CNTNAP2: variants seen among roughly 807,000 people sequenced by gnomAD.
CNTNAP2 encodes contactin associated protein 2.
A neutral mutation model predicts 155.2 loss-of-function variants in CNTNAP2; 98 were observed. That is an observed-to-expected ratio of 0.63 (90% CI 0.54 to 0.75). The LOEUF is 0.75. Among genes scored for constraint, CNTNAP2 ranks in the 30% least tolerant of loss-of-function variants. CNTNAP2 has a pLI of 0.00. For missense variants in CNTNAP2, 1,727 were observed against 1,688.1 expected, an observed-to-expected ratio of 1.02 and a Z score of -0.40; for synonymous variants, 651 against 631.2, an observed-to-expected ratio of 1.03 and a Z score of -0.47.
intron 10 of CNTNAP2, among the ~76,000 whole-genome samples, chr7:147,412,074 C>T (rs1797112730): frequency 6.6e-6 from 1 of 152,232 alleles, no homozygotes; most frequent in African/African-American, 2.4e-5. Flanking sequence ...ATCCAGCCTC[C>T]CTTCAAGGAT....
chr7:148,347,123 G>C (rs944543754), intron 21 of CNTNAP2, among the ~76,000 whole-genome samples: 2 of 152,106 alleles, frequency 1.3e-5, no homozygotes, highest in African/African-American at 4.8e-5. Context: ...CAGGCATGGT[G>C]GTGGGTGCCT....
chr7:146,512,505 C>T (rs1205761267), intron 1 of CNTNAP2, among the ~76,000 whole-genome samples: 2 of 143,078 alleles, frequency 1.4e-5, no homozygotes, highest in Non-Finnish European at 3.1e-5. Context: ...TCTCTTGTTT[C>T]TTTTTTTTTT....
chr7:147,468,492 G>A (rs1306743972), intron 10 of CNTNAP2, among the ~76,000 whole-genome samples: 1 of 151,998 alleles, frequency 6.6e-6, no homozygotes, highest in Non-Finnish European at 1.5e-5. Context: ...GCAGGTAACG[G>A]GACTTATGTT....
At chr7:146,351,761 T>C (rs1342204137) in intron 1 of CNTNAP2, among the ~76,000 whole-genome samples, 1 of 152,192 alleles carries the variant, frequency 6.6e-6, no homozygotes, top group Non-Finnish European at 1.5e-5. Flanking sequence ...TTATCTAAGT[T>C]CTTCTAAACT....
chr7:148,286,375 T>C (rs1797082897), intron 21 of CNTNAP2, among the ~76,000 whole-genome samples: 1 of 152,208 alleles, frequency 6.6e-6, no homozygotes, highest in Non-Finnish European at 1.5e-5. Flanking sequence ...AACTGTCTTG[T>C]GGCAGCCTGG....
chr7:146,769,631 A>G (rs1802258372), intron 1 of CNTNAP2, among the ~76,000 whole-genome samples: 1 of 152,102 alleles, frequency 6.6e-6, no homozygotes, highest in African/African-American at 2.4e-5. Flanking sequence ...TTCAGATTCT[A>G]TTCATTAATT....
intron 15 of CNTNAP2, among the ~76,000 whole-genome samples, chr7:148,108,484 G>A (rs1804272973): frequency 6.6e-6 from 1 of 152,220 alleles, no homozygotes; most frequent in African/African-American, 2.4e-5. Flanking sequence ...GTGAGGTTGA[G>A]AGGAGTAAAC....
At chr7:146,660,302 G>A (rs532993108) in intron 1 of CNTNAP2, among the ~76,000 whole-genome samples, 25 of 152,144 alleles carry the variant, frequency 1.6e-4, no homozygotes, top group Non-Finnish European at 3.7e-4. Context: ...GGTACCCAGT[G>A]GTCTTACATA....
At chr7:146,686,292 C>T (rs2129170773) in intron 1 of CNTNAP2, among the ~76,000 whole-genome samples, 1 of 149,538 alleles carries the variant, frequency 6.7e-6, no homozygotes, top group Middle Eastern at 3.4e-3. Flanking sequence ...GAGACCCTGT[C>T]TCAAGGGAAA....
intron 3 of CNTNAP2, among the ~76,000 whole-genome samples, chr7:147,033,467 G>A (rs1349090712): frequency 2.6e-5 from 4 of 151,454 alleles, no homozygotes; most frequent in Non-Finnish European, 5.9e-5. Flanking sequence ...ACATTACCCT[G>A]GTGTCTTTTT....
At chr7:148,197,421 A>T (rs1795295235) in intron 18 of CNTNAP2, among the ~76,000 whole-genome samples, 1 of 152,228 alleles carries the variant, frequency 6.6e-6, no homozygotes, top group Admixed American at 6.5e-5. Flanking sequence ...AGCCTGCAGC[A>T]GTACCCCAAA....
rs1348138803 is a variant in CNTNAP2, at chr7:146,958,570, C to T, written c.403-85337C>T. 3.3e-5 allele frequency among the ~76,000 whole-genome samples: 5 copies of T among 151,850 alleles called. No homozygotes were observed. The South Asian group carries it at 6.2e-4, about 19-fold the overall frequency. ...CTGGGACTACAGGCACCCGCCACAA[C>T]GCCCGGCTAATTTTTTGTATTTTTA... On this transcript the variant is annotated intron_variant, in intron 3 of 23. Coordinates refer to ENST00000361727, the MANE Select transcript of CNTNAP2 (RefSeq NM_014141.6).
chr7:147,272,802 T>C (rs192195942), intron 8 of CNTNAP2, among the ~76,000 whole-genome samples: 8 of 152,224 alleles, frequency 5.3e-5, no homozygotes, highest in Non-Finnish European at 8.8e-5. Flanking sequence ...CCACTGCGCC[T>C]GGCCATGTAT....
intron 1 of CNTNAP2, among the ~76,000 whole-genome samples, chr7:146,559,932 T>C (rs1289649200): frequency 1.3e-5 from 2 of 152,326 alleles, no homozygotes; most frequent in East Asian, 3.9e-4. Context: ...CATTTACATA[T>C]CTATACCTTT....
At chr7:148,270,216 A>G (rs1796750059) in intron 21 of CNTNAP2, among the ~76,000 whole-genome samples, 1 of 152,236 alleles carries the variant, frequency 6.6e-6, no homozygotes, top group Admixed American at 6.5e-5. Flanking sequence ...CTAAGAATGT[A>G]CCTTGACATC....
intron 1 of CNTNAP2, among the ~76,000 whole-genome samples, chr7:146,569,574 T>G (rs1798410823): frequency 6.6e-6 from 1 of 152,222 alleles, no homozygotes; most frequent in Non-Finnish European, 1.5e-5. Flanking sequence ...AGCACCTCTA[T>G]GGTATTATAG....
At chr7:146,220,970 T>C (rs1799199137) in intron 1 of CNTNAP2, among the ~76,000 whole-genome samples, 1 of 152,242 alleles carries the variant, frequency 6.6e-6, no homozygotes, top group Non-Finnish European at 1.5e-5. Context: ...AGTTTGATTA[T>C]ACATTGTTAT....
At chr7:146,580,393 A>G (rs1798593650) in intron 1 of CNTNAP2, among the ~76,000 whole-genome samples, 1 of 152,030 alleles carries the variant, frequency 6.6e-6, no homozygotes, top group Non-Finnish European at 1.5e-5. Flanking sequence ...ATTAATTGCT[A>G]CATTGTAAAA....
At chr7:147,082,187 T>C (rs959348339) in intron 4 of CNTNAP2, 2 of 152,134 alleles carry the variant, frequency 1.3e-5, no homozygotes, top group Admixed American at 6.6e-5. Context: ...ATTTAAACAT[T>C]AGCATTTACA....
Sources: allele counts gnomAD v4.1 joint callset (sites outside exome capture counted in the v4.1 genomes callset), GRCh38; gene constraint gnomAD v4.1.1; transcripts MANE v1.5; gene names NCBI Gene and HGNC (gene_info 2026-07-23, HGNC 2026-07-21).